RFPL1: variants seen among roughly 807,000 people sequenced by gnomAD.
RFPL1 encodes the protein ret finger protein like 1.
Under a neutral mutation model 9.6 loss-of-function variants are expected in RFPL1, and 6 were observed. The observed-to-expected ratio is 0.62, with a 90% CI of 0.34 to 1.23. The LOEUF is 1.23. RFPL1 is among the 50% of genes most tolerant of loss of function. RFPL1 has a pLI of 0.03. For missense variants in RFPL1, 352 were observed against 398.4 expected (o/e 0.88, Z 0.99); for synonymous variants, 145 against 149.4 (o/e 0.97, Z 0.22).
At chr22:29,438,461 GCCTGAGCCA>G, upstream of RFPL1, 1 of 504,928 alleles carries the variant, frequency 2.0e-6, no homozygotes, top group Non-Finnish European at 3.0e-6. Flanking sequence ...GGGATTATAG[GCCTGAGCCA>G]CCACGCCCGG....
the RFPL1 span, chr22:29,388,516 G>C: frequency 6.6e-6 from 1 of 152,174 alleles, no homozygotes; most frequent in African/African-American, 2.4e-5. Flanking sequence ...CGGTGCGTCC[G>C]GGCTGCCGGC....
chr22:29,418,392 A>C, the RFPL1 span, among the ~76,000 whole-genome samples: 1 of 151,836 alleles, frequency 6.6e-6, no homozygotes, highest in African/African-American at 2.4e-5. Context: ...CAATCTGCAC[A>C]TGTATTTTAC....
chr22:29,389,929 A>G, the RFPL1 span, among the ~76,000 whole-genome samples: 53,486 of 151,304 alleles, frequency 0.35, 10,345 homozygotes, highest in East Asian at 0.66. Context: ...CTCCCAAGTA[A>G]TTGGGATTAC....
the RFPL1 span, among the ~76,000 whole-genome samples, chr22:29,427,704 T>G: frequency 3.9e-5 from 6 of 152,146 alleles, no homozygotes; most frequent in African/African-American, 1.4e-4. Flanking sequence ...GCACATGAGA[T>G]TGTAAGAGCT....
chr22:29,433,244 T>C, the RFPL1 span: 1 of 146,246 alleles, frequency 6.8e-6, no homozygotes, highest in Admixed American at 7.0e-5. Flanking sequence ...TGAGCCAAGA[T>C]GGCACCACAG....
At chr22:29,428,543 C>T in the RFPL1 span, among the ~76,000 whole-genome samples, 6 of 152,196 alleles carry the variant, frequency 3.9e-5, no homozygotes, top group Admixed American at 1.3e-4. Flanking sequence ...GCAGAATCTA[C>T]ATTCTTCTCC....
At chr22:29,426,649 T>TA in the RFPL1 span, among the ~76,000 whole-genome samples, 1 of 152,106 alleles carries the variant, frequency 6.6e-6, no homozygotes, top group Admixed American at 6.5e-5. Flanking sequence ...CTCAGGAGGC[T>TA]AAGGCAGGAG....
chr22:29,406,312 TTGAACAC>T, the RFPL1 span, among the ~76,000 whole-genome samples: 2 of 151,898 alleles, frequency 1.3e-5, no homozygotes, highest in East Asian at 3.9e-4. Context: ...CATTGAATGA[TTGAACAC>T]TGTTGGGCAT....
chr22:29,412,436 G>T, the RFPL1 span, among the ~76,000 whole-genome samples: 1 of 152,096 alleles, frequency 6.6e-6, no homozygotes, highest in Non-Finnish European at 1.5e-5. Flanking sequence ...CGAGTTCCAG[G>T]GCAGGGTGAG....
the RFPL1 span, among the ~76,000 whole-genome samples, chr22:29,394,848 T>C: frequency 7.4e-4 from 113 of 152,324 alleles, no homozygotes; most frequent in African/African-American, 2.6e-3. Flanking sequence ...AAAGCAGCAA[T>C]GGGCCTAGCG....
chr22:29,436,440 A>C (rs1569182889), upstream of RFPL1: 1 of 152,068 alleles, frequency 6.6e-6, no homozygotes. Context: ...AAAATACAAA[A>C]AAAAAAAAAA....
the RFPL1 span, among the ~76,000 whole-genome samples, chr22:29,403,998 A>G: frequency 5.9e-5 from 9 of 152,148 alleles, no homozygotes; most frequent in Admixed American, 5.2e-4. Context: ...CAATAGCTCA[A>G]TATTGGAAAT....
At chr22:29,408,727 G>A in the RFPL1 span, among the ~76,000 whole-genome samples, 5 of 152,210 alleles carry the variant, frequency 3.3e-5, no homozygotes, top group Non-Finnish European at 7.3e-5. Context: ...GCTGAGGCCT[G>A]ATTGAAAATG....
At chr22:29,421,980 C>G in the RFPL1 span, among the ~76,000 whole-genome samples, 2 of 152,184 alleles carry the variant, frequency 1.3e-5, no homozygotes, top group African/African-American at 2.4e-5. Context: ...CCTGGATCAG[C>G]TGATCCAACA....
chr22:29,407,489 C>A, the RFPL1 span, among the ~76,000 whole-genome samples: 2 of 150,996 alleles, frequency 1.3e-5, no homozygotes, highest in East Asian at 3.9e-4. Flanking sequence ...CTACATTTTT[C>A]TTTGTAAGAA....
At chr22:29,390,582 T>TTTTATTTATTTTTTA in the RFPL1 span, among the ~76,000 whole-genome samples, 416 of 146,928 alleles carry the variant, frequency 2.8e-3, 1 homozygote, top group African/African-American at 0.01. Flanking sequence ...CTTATTCCAT[T>TTTTATTTATTTTTTA]TTTATTTATT....
At chr22:29,442,398 T>G in exon 2 of RFPL1, 1 of 279,356 alleles carries the variant, frequency 3.6e-6, no homozygotes, top group South Asian at 1.5e-4. Flanking sequence ...TTTTTATTTC[T>G]GTAAGTTCAA....
chr22:29,432,731 C>T, the RFPL1 span, among the ~76,000 whole-genome samples: 1 of 152,210 alleles, frequency 6.6e-6, no homozygotes, highest in Admixed American at 6.5e-5. Flanking sequence ...GAATCATGTC[C>T]TTCATTCCAA....
the RFPL1 span, among the ~76,000 whole-genome samples, chr22:29,419,513 G>T: frequency 2.0e-5 from 3 of 152,078 alleles, no homozygotes; most frequent in Admixed American, 6.5e-5. Flanking sequence ...ACTTTAAGAG[G>T]CTGAGGATCA....
Sources: gnomAD v4.1 joint callset for allele counts (sites outside exome capture counted in the v4.1 genomes callset) on GRCh38, gnomAD v4.1.1 for gene constraint, MANE v1.5 for transcripts, NCBI Gene and HGNC (gene_info 2026-07-23, HGNC 2026-07-21) for gene names.